THOC2: variants seen among roughly 807,000 people sequenced by gnomAD.
The protein encoded by THOC2 is THO complex 2.
In THOC2, 10 loss-of-function variants were observed where a neutral mutation model predicts 128.4. The ratio of observed to expected loss-of-function variants is 0.08; its 90% CI spans 0.05 to 0.13. THOC2 has a LOEUF of 0.13. THOC2 is among the 10% of genes least tolerant of loss of function. The probability of loss-of-function intolerance (pLI) is 1.00; values close to 1 mark genes in which losing one functional copy is unlikely to be tolerated. For missense variants in THOC2, 535 were observed against 1,155.7 expected, an observed-to-expected ratio of 0.46 and a Z score of 7.79; for synonymous variants, 393 against 396.9, an observed-to-expected ratio of 0.99 and a Z score of 0.12.
At chrX:123,660,463 C>A (rs773106681) in intron 12 of THOC2, among the ~76,000 whole-genome samples, 4 of 111,807 alleles carry the variant, frequency 3.6e-5, no homozygotes, top group Non-Finnish European at 7.5e-5. Flanking sequence ...AGTGTTATAT[C>A]TTCCCACAAG....
At chrX:123,693,729 G>A (rs1480645100) in intron 7 of THOC2, among the ~76,000 whole-genome samples, 1 of 111,065 alleles carries the variant, frequency 9.0e-6, no homozygotes, top group Non-Finnish European at 1.9e-5. Context: ...CATCACAGGT[G>A]GAGGGGGAGG....
intron 8 of THOC2, among the ~76,000 whole-genome samples, chrX:123,680,265 C>T (rs1364035435): frequency 9.0e-6 from 1 of 111,476 alleles, no homozygotes; most frequent in Non-Finnish European, 1.9e-5. Context: ...GTGGGACATG[C>T]GGGTGGCAAT....
chrX:123,691,616 A>C (rs1238364726), intron 7 of THOC2, among the ~76,000 whole-genome samples: 2 of 111,954 alleles, frequency 1.8e-5, no homozygotes. Context: ...TTCCCTAGCC[A>C]AATCTATACC....
At chrX:123,687,729 C>T (rs926199250) in intron 7 of THOC2, among the ~76,000 whole-genome samples, 1 of 111,846 alleles carries the variant, frequency 8.9e-6, no homozygotes, top group Non-Finnish European at 1.9e-5. Context: ...TTAGCAATCA[C>T]TTAGAAAACC....
intron 3 of THOC2, among the ~76,000 whole-genome samples, chrX:123,704,199 T>C (rs1216734786): frequency 8.9e-6 from 1 of 112,061 alleles, no homozygotes; most frequent in East Asian, 2.8e-4. Context: ...AAAGGAAGAC[T>C]GTTAAAAACT....
intron 7 of THOC2, among the ~76,000 whole-genome samples, chrX:123,687,025 G>C (rs1409677518): frequency 9.0e-6 from 1 of 110,916 alleles, no homozygotes; most frequent in African/African-American, 3.3e-5. Flanking sequence ...TTGATTACTC[G>C]GGCTAGTGAA....
intron 19 of THOC2, among the ~76,000 whole-genome samples, chrX:123,635,405 C>G (rs5956562): frequency 1.2e-3 from 135 of 111,658 alleles, no homozygotes; most frequent in African/African-American, 4.0e-3. Context: ...TTAGGTAATA[C>G]TTGTTTGGAA....
rs765556592 is a variant in THOC2, at chrX:123,715,784, CA to C, written c.72-2877del. ...TGGGTGACAAAGTGAGACCTTGTCT[CA>C]AAAAAAAAAAAAAAAGAAAATGAAA... is the stretch of plus-strand genomic sequence containing the variant. On this transcript the variant is annotated intron_variant, in intron 1 of 38. Coordinates refer to ENST00000245838, the MANE Select transcript of THOC2 (RefSeq NM_001081550.2). Among the ~76,000 whole-genome samples, 333 of 38,092 alleles carry C rather than the reference CA, an allele frequency of 8.7e-3. 2 individuals are homozygous for C. Among genetic ancestry groups the C allele is most frequent in the African/African-American group, 0.021 (231 of 11,174 alleles). 33.1% of individuals were successfully genotyped at this position (38,092 alleles called of 115,157 possible). A position where few individuals can be genotyped will look rare whatever the true frequency, so the allele number is the denominator to read the frequency against.
intron 1 of THOC2, among the ~76,000 whole-genome samples, chrX:123,719,686 T>C (rs1185649383): frequency 1.8e-5 from 2 of 109,580 alleles, no homozygotes; most frequent in Non-Finnish European, 3.8e-5. Context: ...CCTGTAATTC[T>C]AGCAATTTGC....
In THOC2 at chrX:123,621,139, A is replaced by G; in HGVS notation, c.4216+18T>C. On this transcript the variant is annotated intron_variant, in intron 31 of 38. Coordinates refer to ENST00000245838, the MANE Select transcript of THOC2 (RefSeq NM_001081550.2). Reference sequence around the variant, plus strand: ...AAAATAACAAAACGTAAGAACGTATAAAGAAAGGTAAACTTGCCCCTTTCA... The same window carrying G: ...AAAATAACAAAACGTAAGAACGTATGAAGAAAGGTAAACTTGCCCCTTTCA... The G allele has an allele frequency of 8.4e-7, 1 of 1,187,408 alleles. No individual in the cohort carries two copies. Among genetic ancestry groups the G allele is most frequent in the South Asian group, 1.9e-5 (1 of 52,041 alleles).
intron 1 of THOC2, among the ~76,000 whole-genome samples, chrX:123,715,245 C>G (rs1054724024): frequency 9.2e-6 from 1 of 108,394 alleles, no homozygotes; most frequent in African/African-American, 3.4e-5. Flanking sequence ...ACCATGTTAC[C>G]CAGGCTGGTT....
intron 8 of THOC2, among the ~76,000 whole-genome samples, chrX:123,672,818 G>T (rs2049333060): frequency 1.8e-5 from 2 of 111,519 alleles, no homozygotes; most frequent in Admixed American, 1.9e-4. Flanking sequence ...TAACTAACTG[G>T]CCAAATGTAA....
chrX:123,712,762 C>G (rs1027166435), intron 2 of THOC2, 88 bp downstream of exon 2: 1 of 604,390 alleles, frequency 1.7e-6, no homozygotes, highest in Non-Finnish European at 2.6e-6. Flanking sequence ...TATCTTACAC[C>G]TTTTGTTTTC....
intron 12 of THOC2, among the ~76,000 whole-genome samples, chrX:123,651,140 C>T (rs1346221881): frequency 9.0e-6 from 1 of 111,366 alleles, no homozygotes; most frequent in East Asian, 2.8e-4. Context: ...AATTAGAACT[C>T]GGGATTAAGA....
chrX:123,718,746 G>A (rs1038333465), intron 1 of THOC2, among the ~76,000 whole-genome samples: 4 of 108,256 alleles, frequency 3.7e-5, no homozygotes, highest in African/African-American at 1.4e-4. Flanking sequence ...GCAACAGAGC[G>A]AGACTCTGTC....
rs192208224 is a variant in THOC2 at position 123,730,801 on chromosome X, G to A, written c.71+2151C>T. 3.4e-3 allele frequency among the ~76,000 whole-genome samples: 374 copies of A among 111,532 alleles called. 3 individuals carry two copies. Among genetic ancestry groups the A allele is most frequent in the African/African-American group, 0.012 (356 of 30,731 alleles). Reference sequence around the variant, plus strand: ...CTAGTAAAAATACAAAAAATTAGCCGGGCGTGGTAGCACGCGCCTGTAGTC... The same window carrying A: ...CTAGTAAAAATACAAAAAATTAGCCAGGCGTGGTAGCACGCGCCTGTAGTC... On this transcript the variant is annotated intron_variant, in intron 1 of 38. Coordinates refer to ENST00000245838, the MANE Select transcript of THOC2 (RefSeq NM_001081550.2).
intron 1 of THOC2, among the ~76,000 whole-genome samples, chrX:123,730,628 G>A (rs1273947340): frequency 2.7e-5 from 3 of 111,845 alleles, no homozygotes; most frequent in Admixed American, 9.5e-5. Flanking sequence ...TTACCAGTCA[G>A]AAGCCAAGCA....
intron 2 of THOC2, among the ~76,000 whole-genome samples, chrX:123,707,298 T>C (rs1225745400): frequency 1.8e-5 from 2 of 111,560 alleles, no homozygotes; most frequent in African/African-American, 3.3e-5. Context: ...CTCAAGTCTC[T>C]ATAATTATAT....
Position 123,639,889 on chromosome X carries a change from A to G in THOC2, c.1746+649T>C, listed in dbSNP as rs377156281. Among the ~76,000 whole-genome samples, 7 of 112,434 alleles carry G rather than the reference A, an allele frequency of 6.2e-5. No individual in the cohort carries two copies. The East Asian group carries it at 1.9e-3, about 31-fold the overall frequency. ...GTCTAGTCTCTCTCATATGTTTTAGATATCTCTAAATATGGGCCAGGTGTG... is the reference window on the plus strand; with the variant it reads ...GTCTAGTCTCTCTCATATGTTTTAGGTATCTCTAAATATGGGCCAGGTGTG... On this transcript the variant is annotated intron_variant, in intron 16 of 38. Transcript: ENST00000245838.
Sources: gnomAD v4.1 joint callset for allele counts (sites outside exome capture counted in the v4.1 genomes callset) on GRCh38, gnomAD v4.1.1 for gene constraint, MANE v1.5 for transcripts, NCBI Gene and HGNC (gene_info 2026-07-23, HGNC 2026-07-21) for gene names.